FAT3: variants seen among roughly 807,000 people sequenced by gnomAD.
FAT3 encodes protocadherin Fat 3.
Under a neutral mutation model 310.2 loss-of-function variants are expected in FAT3, and 95 were observed. The ratio of observed to expected loss-of-function variants is 0.31; its 90% confidence interval spans 0.26 to 0.36. The LOEUF (loss-of-function observed/expected upper bound fraction) is 0.36. FAT3 is among the 10% of genes least tolerant of loss of function. FAT3 has a pLI of 1.00. For synonymous variants in FAT3, 2,314 were observed against 2,192.9 expected (o/e 1.06, Z -1.54); for missense variants, 5,408 against 5,715.6 (o/e 0.95, Z 1.74).
At chr11:92,548,775 G>C (rs1954704261) in intron 3 of FAT3, among the ~76,000 whole-genome samples, 1 of 152,158 alleles carries the variant, frequency 6.6e-6, no homozygotes, top group African/African-American at 2.4e-5. Flanking sequence ...GGGAAGAAGT[G>C]AGAGAGGGGG....
chr11:92,715,128 G>A (rs556833774), intron 4 of FAT3, among the ~76,000 whole-genome samples: 3 of 151,938 alleles, frequency 2.0e-5, no homozygotes, highest in South Asian at 2.1e-4. Context: ...TAAATTGGCC[G>A]GGTGCGTTGG....
At chr11:92,678,744 T>G (rs1163057329) in intron 3 of FAT3, among the ~76,000 whole-genome samples, 1 of 152,212 alleles carries the variant, frequency 6.6e-6, no homozygotes, top group Non-Finnish European at 1.5e-5. Flanking sequence ...TTTAATTGCT[T>G]AGTAATTTAC....
intron 3 of FAT3, among the ~76,000 whole-genome samples, chr11:92,555,047 C>A (rs1954968688): frequency 6.8e-6 from 1 of 147,590 alleles, no homozygotes; most frequent in South Asian, 2.2e-4. Flanking sequence ...ATGGTCATGA[C>A]AAAAGCTTTG....
intron 1 of FAT3, among the ~76,000 whole-genome samples, chr11:92,310,273 G>C (rs745556765): frequency 2.0e-5 from 3 of 152,146 alleles, no homozygotes; most frequent in Admixed American, 6.6e-5. Flanking sequence ...AGTAATCAGA[G>C]TGAGGAAAGT....
intron 13 of FAT3, among the ~76,000 whole-genome samples, chr11:92,828,502 C>A (rs1948155779): frequency 6.6e-6 from 1 of 152,034 alleles, no homozygotes; most frequent in Admixed American, 6.6e-5. Flanking sequence ...CCTTATCAGT[C>A]TGATTGGTAA....
rs185813050 is a variant in FAT3 at position 92,648,140 on chromosome 11, A to G, written c.3608-49244A>G. 3.4e-3 allele frequency among the ~76,000 whole-genome samples: 514 copies of G among 152,256 alleles called. 10 individuals carry two copies. Among genetic ancestry groups the G allele is most frequent in the Admixed American group, 0.031 (473 of 15,286 alleles). On this transcript the variant is annotated intron_variant, in intron 3 of 27. Coordinates refer to ENST00000525166, the MANE Select transcript of FAT3 (RefSeq NM_001367949.2). ...ATTTGGTCTCTCATGCTCTATTCCT[A>G]TGACAGTAGTGGTAGGTAGGGTAGG...
intron 2 of FAT3, among the ~76,000 whole-genome samples, chr11:92,482,616 A>G (rs1952260514): frequency 1.3e-5 from 2 of 152,158 alleles, no homozygotes; most frequent in African/African-American, 2.4e-5. Context: ...TGCTCCATCC[A>G]CATGCTTTCT....
chr11:92,550,141 G>A (rs1303373876), intron 3 of FAT3, among the ~76,000 whole-genome samples: 1 of 152,126 alleles, frequency 6.6e-6, no homozygotes, highest in Admixed American at 6.5e-5. Flanking sequence ...CACTTTAAAT[G>A]GTATTTCACA....
chr11:92,531,931 C>T (rs1954089584), intron 3 of FAT3, among the ~76,000 whole-genome samples: 2 of 152,036 alleles, frequency 1.3e-5, no homozygotes, highest in Admixed American at 6.6e-5. Context: ...CAGGGTCACC[C>T]CTTGCTTCAG....
At chr11:92,866,296 ATGATC>A (rs1458508170) in intron 21 of FAT3, among the ~76,000 whole-genome samples, 1 of 152,214 alleles carries the variant, frequency 6.6e-6, no homozygotes, top group African/African-American at 2.4e-5. Context: ...ATTCACTCAG[ATGATC>A]TCCTTGGCAC....
At chr11:92,586,623 C>G (rs932647537) in intron 3 of FAT3, among the ~76,000 whole-genome samples, 1 of 149,762 alleles carries the variant, frequency 6.7e-6, no homozygotes, top group Admixed American at 6.7e-5. Flanking sequence ...TTGTTACCCT[C>G]TAGTTCTTTT....
At chr11:92,329,136 T>A (rs980349937) in intron 1 of FAT3, among the ~76,000 whole-genome samples, 1 of 152,016 alleles carries the variant, frequency 6.6e-6, no homozygotes, top group African/African-American at 2.4e-5. Context: ...TGCTATAGTT[T>A]CAGCATGCCT....
At chr11:92,852,080 C>A (rs1022609936) in intron 19 of FAT3, among the ~76,000 whole-genome samples, 1 of 152,084 alleles carries the variant, frequency 6.6e-6, no homozygotes, top group African/African-American at 2.4e-5. Context: ...GGGTTGCTAT[C>A]CCCAGAAAAG....
intron 4 of FAT3, among the ~76,000 whole-genome samples, chr11:92,715,580 C>T (rs1158616688): frequency 1.3e-5 from 2 of 151,968 alleles, no homozygotes; most frequent in Admixed American, 6.6e-5. Context: ...CACATACACA[C>T]ACACGTACTT....
intron 2 of FAT3, among the ~76,000 whole-genome samples, chr11:92,484,357 T>TAA (rs1952314695): frequency 6.6e-6 from 1 of 152,218 alleles, no homozygotes; most frequent in Non-Finnish European, 1.5e-5. Context: ...ATATTTAGAC[T>TAA]ATTTCCTAGT....
chr11:92,826,259 T>C (rs561711974), intron 13 of FAT3, among the ~76,000 whole-genome samples: 103 of 152,354 alleles, frequency 6.8e-4, no homozygotes, highest in African/African-American at 2.3e-3. Flanking sequence ...CCAAGCTTTG[T>C]TGATCATTTT....
At chr11:92,560,414 C>A (rs1429499500) in intron 3 of FAT3, among the ~76,000 whole-genome samples, 1 of 151,822 alleles carries the variant, frequency 6.6e-6, no homozygotes, top group Non-Finnish European at 1.5e-5. Flanking sequence ...ATTTGAAGAA[C>A]AATGGGTTTT....
In FAT3 at chr11:92,408,577, A is replaced by T. The variant is rs1950186369; in HGVS notation, c.3292+53173A>T. On this transcript the variant is annotated intron_variant, in intron 2 of 27. Coordinates refer to ENST00000525166, the MANE Select transcript of FAT3 (RefSeq NM_001367949.2). ...AAGGCAGGGCACAGAGTGAACACTC[A>T]CCAAATGCCAGCCCTCACTGGGATT... Among the ~76,000 whole-genome samples, 3 of 152,202 alleles carry T rather than the reference A, an allele frequency of 2.0e-5. No individual in the cohort carries two copies. In the South Asian group the frequency reaches 6.2e-4, roughly 31 times the overall value.
chr11:92,788,819 A>C (rs12294710), intron 7 of FAT3, among the ~76,000 whole-genome samples: 4,211 of 152,254 alleles, frequency 0.028, 216 homozygotes, highest in African/African-American at 0.096. Context: ...TGTGGAAACT[A>C]AACAGAAAAT....
Sources: gnomAD v4.1 joint callset for allele counts (sites outside exome capture counted in the v4.1 genomes callset) on GRCh38, gnomAD v4.1.1 for gene constraint, MANE v1.5 for transcripts, NCBI Gene and HGNC (gene_info 2026-07-23, HGNC 2026-07-21) for gene names.